The following CNTN5 variants were observed in gnomAD, a reference collection of about 807,000 sequenced individuals.
CNTN5 encodes contactin 5.
A neutral mutation model predicts 129.1 loss-of-function variants in CNTN5; 77 were observed. The ratio of observed to expected loss-of-function variants is 0.60; its 90% CI spans 0.50 to 0.72. The LOEUF (loss-of-function observed/expected upper bound fraction) is 0.72. Ranked by LOEUF, CNTN5 falls within the 30% of genes least tolerant of loss-of-function variation. The pLI, the probability that CNTN5 is intolerant of heterozygous loss-of-function variation, is 0.00. For synonymous variants in CNTN5, 509 were observed against 465.6 expected (o/e 1.09, Z -1.20); for missense variants, 1,478 against 1,328.8 (o/e 1.11, Z -1.75).
intron 9 of CNTN5, among the ~76,000 whole-genome samples, chr11:100,038,938 T>C (rs1424254352): frequency 1.3e-5 from 2 of 152,200 alleles, no homozygotes; most frequent in Non-Finnish European, 2.9e-5. Flanking sequence ...CCAGTCTGTG[T>C]CTTTTAATTG....
intron 2 of CNTN5, among the ~76,000 whole-genome samples, chr11:99,385,848 T>C (rs1389853255): frequency 6.6e-6 from 1 of 152,180 alleles, no homozygotes; most frequent in Non-Finnish European, 1.5e-5. Context: ...ATATATGGAA[T>C]TGTACATCCT....
At chr11:99,999,254 T>G (rs961302622) in intron 8 of CNTN5, among the ~76,000 whole-genome samples, 1 of 152,000 alleles carries the variant, frequency 6.6e-6, no homozygotes, top group African/African-American at 2.4e-5. Flanking sequence ...CACAACCTAC[T>G]CATCTGACAA....
intron 3 of CNTN5, among the ~76,000 whole-genome samples, chr11:99,727,852 G>A (rs997200817): frequency 2.0e-5 from 3 of 151,926 alleles, no homozygotes; most frequent in Non-Finnish European, 4.4e-5. Flanking sequence ...AGTACTAAGG[G>A]CTTCATATTT....
intron 21 of CNTN5, among the ~76,000 whole-genome samples, chr11:100,338,084 C>G (rs1461580759): frequency 2.0e-5 from 3 of 152,168 alleles, no homozygotes; most frequent in Admixed American, 2.0e-4. Context: ...AGTAATTTAA[C>G]ATTTATAAAA....
intron 3 of CNTN5, among the ~76,000 whole-genome samples, chr11:99,661,793 T>C (rs769024634): frequency 6.6e-6 from 1 of 152,088 alleles, no homozygotes; most frequent in Non-Finnish European, 1.5e-5. Context: ...TTGGAACACA[T>C]AGGTTTCAGA....
At chr11:100,316,621 T>C (rs908533484) in intron 21 of CNTN5, among the ~76,000 whole-genome samples, 4 of 152,162 alleles carry the variant, frequency 2.6e-5, no homozygotes, top group Non-Finnish European at 5.9e-5. Flanking sequence ...AACAATAAAA[T>C]AGTTATATTA....
intron 2 of CNTN5, among the ~76,000 whole-genome samples, chr11:99,382,844 A>AGTTTTTTTTTTTTTTTTT (rs774797660): frequency 8.6e-5 from 6 of 69,370 alleles, no homozygotes; most frequent in African/African-American, 1.4e-4. Flanking sequence ...TCTCTAAATA[A>AGTTTTTTTTTTTTTTTTT]CTTTTTTTTT....
intron 2 of CNTN5, among the ~76,000 whole-genome samples, chr11:99,480,317 C>T (rs1334319247): frequency 6.6e-6 from 1 of 152,046 alleles, no homozygotes; most frequent in Non-Finnish European, 1.5e-5. Flanking sequence ...AGTAAGTAGC[C>T]AACATTTGGT....
rs1362788887 is a variant in CNTN5 at position 100,044,531 on chromosome 11, A to T, written c.981-16681A>T. Among the ~76,000 whole-genome samples, 9 of 151,824 alleles carry T rather than the reference A, an allele frequency of 5.9e-5. No individual in the cohort carries two copies. The South Asian group carries it at 1.9e-3, about 32-fold the overall frequency. On this transcript the variant is annotated intron_variant, in intron 9 of 24. Coordinates refer to ENST00000524871, the MANE Select transcript of CNTN5 (RefSeq NM_014361.4). ...TTTTAATAGCCATTTTGACTATAGT[A>T]AGATAATATACAATTGTGGTTTTAA...
chr11:100,236,499 C>T (rs1237917398), intron 16 of CNTN5, among the ~76,000 whole-genome samples: 2 of 152,136 alleles, frequency 1.3e-5, no homozygotes, highest in Admixed American at 1.3e-4. Flanking sequence ...GGGTTCTTTT[C>T]CTGAGTGACT....
chr11:99,870,184 TGAA>T lies in CNTN5; in HGVS notation c.577+24932_577+24934del, dbSNP rs555473511. Among the ~76,000 whole-genome samples, 48 of 152,250 alleles carry T rather than the reference TGAA, an allele frequency of 3.2e-4. No individual in the cohort carries two copies. The South Asian group carries it at 8.9e-3, about 28-fold the overall frequency. ...CAAATTTGATTGCACAAATGTAGCA[TGAA>T]GAAGAAGAAAGACGTGATTTTTTTT... is the stretch of plus-strand genomic sequence containing the variant. On this transcript the variant is annotated intron_variant, in intron 6 of 24. Transcript: ENST00000524871.
Position 99,882,307 on chromosome 11 carries a change from C to G in CNTN5, c.578-33747C>G, listed in dbSNP as rs191249664. 5.0e-4 allele frequency among the ~76,000 whole-genome samples: 76 copies of G among 152,266 alleles called. 1 individual carries two copies. The highest frequency in any genetic ancestry group is 9.8e-4 in the Admixed American group (15 of 15,270). ...TTCATAAAAGATAACTATTGCTGGA[C>G]TTGCATGAAGTGGGATGAATTTATA... On this transcript the variant is annotated intron_variant, in intron 6 of 24. Transcript: ENST00000524871.
intron 1 of CNTN5, among the ~76,000 whole-genome samples, chr11:99,180,114 G>A (rs1229407701): frequency 4.6e-5 from 7 of 152,080 alleles, no homozygotes; most frequent in Non-Finnish European, 7.3e-5. Context: ...ACCTTAAAGG[G>A]TAAAAAACCT....
At chr11:99,973,414 G>T (rs1750295885) in intron 8 of CNTN5, among the ~76,000 whole-genome samples, 1 of 152,082 alleles carries the variant, frequency 6.6e-6, no homozygotes, top group African/African-American at 2.4e-5. Flanking sequence ...ATAGGTGATA[G>T]TTGTTCTTTC....
At chr11:99,980,612 C>T (rs75272063) in intron 8 of CNTN5, among the ~76,000 whole-genome samples, 1,627 of 152,156 alleles carry the variant, frequency 0.011, 36 homozygotes, top group African/African-American at 0.037. Flanking sequence ...AGAAAAAGTA[C>T]GTATTTTGCA....
chr11:100,072,891 C>A (rs1222007951), intron 12 of CNTN5, among the ~76,000 whole-genome samples: 2 of 149,776 alleles, frequency 1.3e-5, no homozygotes, highest in Non-Finnish European at 3.0e-5. Flanking sequence ...GGCTGATTCA[C>A]CCTTCACCTA....
intron 21 of CNTN5, chr11:100,309,833 G>A (rs1459492500): frequency 3.3e-6 from 1 of 301,808 alleles, no homozygotes; most frequent in African/African-American, 2.3e-5. Flanking sequence ...ACTGCTAATG[G>A]TTCTCAGCTC....
intron 4 of CNTN5, among the ~76,000 whole-genome samples, chr11:99,843,634 C>T (rs1393545626): frequency 1.3e-5 from 2 of 152,034 alleles, no homozygotes; most frequent in African/African-American, 4.8e-5. Flanking sequence ...GATCCTAGAG[C>T]ACATATAACA....
At chr11:100,270,624 T>C (rs1364965048) in intron 17 of CNTN5, among the ~76,000 whole-genome samples, 1 of 152,244 alleles carries the variant, frequency 6.6e-6, no homozygotes, top group Non-Finnish European at 1.5e-5. Flanking sequence ...TCAATGTTTC[T>C]ACTCAGATAT....
Sources: allele counts gnomAD v4.1 joint callset (sites outside exome capture counted in the v4.1 genomes callset), GRCh38; gene constraint gnomAD v4.1.1; transcripts MANE v1.5; gene names NCBI Gene and HGNC (gene_info 2026-07-23, HGNC 2026-07-21).